MACROD2: variants seen among roughly 807,000 people sequenced by gnomAD.
MACROD2 encodes the protein mono-ADP ribosylhydrolase 2.
Under a neutral mutation model 70.4 loss-of-function variants are expected in MACROD2, and 36 were observed. The ratio of observed to expected loss-of-function variants is 0.51; its 90% CI spans 0.39 to 0.68. The LOEUF is 0.68. Ranked by LOEUF, MACROD2 falls within the 30% of genes least tolerant of loss-of-function variation. MACROD2 has a pLI of 0.00. For missense variants in MACROD2, 496 were observed against 538.4 expected, an observed-to-expected ratio of 0.92 and a Z score of 0.78; for synonymous variants, 172 against 178.8, an observed-to-expected ratio of 0.96 and a Z score of 0.30.
rs79373464 is a variant in MACROD2 at position 15,268,080 on chromosome 20, T to C, written c.540+38019T>C. Among the ~76,000 whole-genome samples the C allele has an allele frequency of 2.4e-3, 372 of 152,190 alleles. 1 individual carries two copies. Among genetic ancestry groups the C allele is most frequent in the African/African-American group, 8.6e-3 (359 of 41,504 alleles). The stretch of plus-strand genomic sequence containing the variant: ...GTGGCAGATGAGTGTGAAAAGTTAG[T>C]GAGTGAAATCAGAATAATATATATT... On this transcript the variant is annotated intron_variant, in intron 6 of 17. Coordinates refer to ENST00000684519, the MANE Select transcript of MACROD2 (RefSeq NM_001351661.2).
chr20:14,090,837 G>A (rs1291845353), intron 3 of MACROD2, among the ~76,000 whole-genome samples: 2 of 152,162 alleles, frequency 1.3e-5, no homozygotes, highest in African/African-American at 2.4e-5. Context: ...CCTCCATGGT[G>A]TTTTCCTCTG....
chr20:15,078,296 T>G (rs181679836), intron 5 of MACROD2, among the ~76,000 whole-genome samples: 5 of 152,260 alleles, frequency 3.3e-5, no homozygotes, highest in Admixed American at 2.6e-4. Flanking sequence ...CCTTGGAATA[T>G]CCATAGTCCT....
At chr20:15,319,459 C>T (rs1222217945) in intron 6 of MACROD2, among the ~76,000 whole-genome samples, 3 of 152,122 alleles carry the variant, frequency 2.0e-5, no homozygotes, top group Non-Finnish European at 2.9e-5. Flanking sequence ...AAGTCACCTA[C>T]TAGAATAGCA....
intron 5 of MACROD2, among the ~76,000 whole-genome samples, chr20:15,088,451 AATATTTT>A (rs2075769466): frequency 2.3e-5 from 2 of 88,332 alleles, no homozygotes; most frequent in African/African-American, 9.5e-5. Flanking sequence ...ATATATATAT[AATATTTT>A]GTGTGTGTGT....
At chr20:14,018,258 AT>A (rs533818643) in intron 2 of MACROD2, among the ~76,000 whole-genome samples, 14 of 145,148 alleles carry the variant, frequency 9.6e-5, no homozygotes, top group East Asian at 4.1e-4. Flanking sequence ...GATTTCCTTT[AT>A]TTTTTTTTTC....
chr20:14,747,292 G>C (rs1295148640), intron 5 of MACROD2, among the ~76,000 whole-genome samples: 1 of 152,124 alleles, frequency 6.6e-6, no homozygotes, highest in African/African-American at 2.4e-5. Context: ...GTTTGGGCCA[G>C]GGGTTGGGGG....
rs139310947 is a variant in MACROD2, at chr20:15,071,364, C to A, written c.419-158576C>A. On this transcript the variant is annotated intron_variant, in intron 5 of 17. Coordinates refer to ENST00000684519, the MANE Select transcript of MACROD2 (RefSeq NM_001351661.2). The stretch of plus-strand genomic sequence containing the variant: ...AAGGATCTTGAGACATGTAATTTAT[C>A]TGAATACATGTTGCTCTCATCTGTG... Among the ~76,000 whole-genome samples, 13 of 152,260 alleles carry A rather than the reference C, an allele frequency of 8.5e-5. No homozygotes were observed. In the East Asian group the frequency reaches 2.5e-3, roughly 29 times the overall value.
chr20:14,715,692 C>T lies in MACROD2; in HGVS notation c.418+30733C>T, dbSNP rs371637207. On this transcript the variant is annotated intron_variant, in intron 5 of 17. Coordinates refer to ENST00000684519, the MANE Select transcript of MACROD2 (RefSeq NM_001351661.2). ...TCAAGCTCTCTGAGCCCTGGGAGAA[C>T]GAAAACAGGCCAGGATTACCAGTTT... is the stretch of plus-strand genomic sequence containing the variant. Among the ~76,000 whole-genome samples the T allele has an allele frequency of 2.0e-4, 30 of 152,168 alleles. No homozygotes were observed. The East Asian group carries it at 3.5e-3, about 18-fold the overall frequency.
At chr20:14,351,375 T>C (rs1327034847) in intron 3 of MACROD2, among the ~76,000 whole-genome samples, 2 of 152,180 alleles carry the variant, frequency 1.3e-5, no homozygotes, top group East Asian at 3.8e-4. Context: ...TTTCACTCCA[T>C]GAACATGGAA....
intron 7 of MACROD2, among the ~76,000 whole-genome samples, chr20:15,483,698 A>G (rs1380606296): frequency 3.3e-5 from 5 of 152,154 alleles, no homozygotes; most frequent in African/African-American, 7.2e-5. Context: ...CCATGCACAT[A>G]GACTATCTCT....
intron 3 of MACROD2, among the ~76,000 whole-genome samples, chr20:14,458,525 T>C (rs1375635115): frequency 6.6e-6 from 1 of 152,136 alleles, no homozygotes; most frequent in Non-Finnish European, 1.5e-5. Context: ...TGTGGCCATC[T>C]GTGGCAGTCA....
chr20:15,000,439 C>A lies in MACROD2; in HGVS notation c.419-229501C>A, dbSNP rs1012582423. Among the ~76,000 whole-genome samples, 42 of 131,028 alleles carry A rather than the reference C, an allele frequency of 3.2e-4. 2 individuals are homozygous for A. Among genetic ancestry groups the A allele is most frequent in the South Asian group, 1.8e-3 (8 of 4,444 alleles). 86.0% of individuals were successfully genotyped at this position (131,028 alleles called of 152,430 possible). ...GAGATCGAGACCATCCTGGCTAACACGGTGAAACCCCGTCTCTACTAAAAA... is the reference window on the plus strand; with the variant it reads ...GAGATCGAGACCATCCTGGCTAACAAGGTGAAACCCCGTCTCTACTAAAAA... On this transcript the variant is annotated intron_variant, in intron 5 of 17. Transcript: ENST00000684519.
At chr20:14,219,655 G>C (rs1248281754) in intron 3 of MACROD2, among the ~76,000 whole-genome samples, 1 of 152,228 alleles carries the variant, frequency 6.6e-6, no homozygotes, top group Non-Finnish European at 1.5e-5. Flanking sequence ...ATTTGGGTAG[G>C]CTCTGTCAGA....
At chr20:14,127,665 C>G (rs918565637) in intron 3 of MACROD2, 2 of 396,678 alleles carry the variant, frequency 5.0e-6, no homozygotes, top group Non-Finnish European at 9.6e-6. Context: ...CCATTTCCAT[C>G]TGGTATTCCA....
chr20:14,804,755 G>A (rs1395178889), intron 5 of MACROD2, among the ~76,000 whole-genome samples: 1 of 152,026 alleles, frequency 6.6e-6, no homozygotes, highest in South Asian at 2.1e-4. Context: ...GTGGTCACTA[G>A]TGACTGTGCC....
At chr20:14,068,590 T>C (rs1432743370) in intron 2 of MACROD2, among the ~76,000 whole-genome samples, 1 of 152,088 alleles carries the variant, frequency 6.6e-6, no homozygotes, top group Non-Finnish European at 1.5e-5. Flanking sequence ...TTTATGAAAG[T>C]AGAGACATCC....
intron 15 of MACROD2, among the ~76,000 whole-genome samples, chr20:15,995,034 G>A (rs1490083251): frequency 6.6e-6 from 1 of 152,070 alleles, no homozygotes; most frequent in Non-Finnish European, 1.5e-5. Context: ...TTGATTACAA[G>A]TGATATAATT....
chr20:14,097,404 A>G (rs1234731981), intron 3 of MACROD2, among the ~76,000 whole-genome samples: 1 of 152,198 alleles, frequency 6.6e-6, no homozygotes, highest in East Asian at 1.9e-4. Context: ...GTCTAATTGT[A>G]ATTGGTTGGT....
intron 8 of MACROD2, among the ~76,000 whole-genome samples, chr20:15,853,368 A>G (rs2064321538): frequency 6.6e-6 from 1 of 152,188 alleles, no homozygotes; most frequent in Non-Finnish European, 1.5e-5. Flanking sequence ...CATGGTGTAC[A>G]CAGACCTCCC....
Sources: gnomAD v4.1 joint callset for allele counts (sites outside exome capture counted in the v4.1 genomes callset) on GRCh38, gnomAD v4.1.1 for gene constraint, MANE v1.5 for transcripts, NCBI Gene and HGNC (gene_info 2026-07-23, HGNC 2026-07-21) for gene names.